The following RPS6KC1 variants were observed in gnomAD, a reference collection of about 807,000 sequenced individuals.
The protein encoded by RPS6KC1 is inactive ribosomal protein S6 kinase delta-1.
RPS6KC1 carries 54 observed loss-of-function variants against 103.8 expected under a neutral mutation model. The ratio of observed to expected loss-of-function variants is 0.52; its 90% CI spans 0.42 to 0.65. The LOEUF is 0.65. Ranked by LOEUF, RPS6KC1 falls within the 30% of genes least tolerant of loss-of-function variation. The pLI is 0.00. For missense variants in RPS6KC1, 1,151 were observed against 1,253.8 expected, an observed-to-expected ratio of 0.92 and a Z score of 1.24; for synonymous variants, 439 against 438.7, an observed-to-expected ratio of 1.00 and a Z score of -0.01.
At chr1:213,051,699 GCT>G (rs1260397751) in intron 1 of RPS6KC1, among the ~76,000 whole-genome samples, 190 bp downstream of exon 1, 1 of 152,090 alleles carries the variant, frequency 6.6e-6, no homozygotes, top group African/African-American at 2.4e-5. Context: ...TATGCCCAGG[GCT>G]TCACTGTAGT....
the RPS6KC1 span, among the ~76,000 whole-genome samples, chr1:213,545,851 C>A: frequency 6.6e-6 from 1 of 152,200 alleles, no homozygotes; most frequent in African/African-American, 2.4e-5. Flanking sequence ...CATGCAGTCT[C>A]ATTCCTCTTG....
chr1:213,107,456 G>A (rs1259849182), intron 4 of RPS6KC1, among the ~76,000 whole-genome samples: 1 of 152,126 alleles, frequency 6.6e-6, no homozygotes, highest in Admixed American at 6.5e-5. Flanking sequence ...ATGCTTTTGA[G>A]CTTCATTCAT....
At chr1:213,175,667 C>G (rs558098952) in intron 7 of RPS6KC1, among the ~76,000 whole-genome samples, 1 of 152,168 alleles carries the variant, frequency 6.6e-6, no homozygotes, top group Admixed American at 6.5e-5. Context: ...TTTAAATCTT[C>G]CTTCCTATGT....
chr1:213,425,357 G>T, the RPS6KC1 span, among the ~76,000 whole-genome samples: 3 of 152,064 alleles, frequency 2.0e-5, no homozygotes, highest in Non-Finnish European at 4.4e-5. Context: ...TTCAGAAGCT[G>T]ATTTGCATTT....
At chr1:213,740,465 T>C in the RPS6KC1 span, among the ~76,000 whole-genome samples, 1 of 152,096 alleles carries the variant, frequency 6.6e-6, no homozygotes, top group African/African-American at 2.4e-5. Context: ...TTGCTGGCAT[T>C]TGCAACTAGA....
chr1:213,722,787 C>A, the RPS6KC1 span, among the ~76,000 whole-genome samples: 5 of 152,182 alleles, frequency 3.3e-5, no homozygotes, highest in Non-Finnish European at 5.9e-5. Flanking sequence ...CGACTGTGGA[C>A]TCTGCCATTT....
chr1:213,242,775 G>A (rs2094385686), intron 12 of RPS6KC1, 117 bp downstream of exon 12: 2 of 817,816 alleles, frequency 2.4e-6, no homozygotes, highest in African/African-American at 1.7e-5. Flanking sequence ...GTTGGATTTG[G>A]TTATCTGTTT....
At chr1:213,825,661 C>CCAAG in the RPS6KC1 span, among the ~76,000 whole-genome samples, 9,143 of 152,234 alleles carry the variant, frequency 0.06, 346 homozygotes, top group East Asian at 0.17. Context: ...GAACCCCTTG[C>CCAAG]CAAGCACCAG....
the RPS6KC1 span, among the ~76,000 whole-genome samples, chr1:213,493,982 A>AAAATCAG: frequency 6.6e-6 from 1 of 152,226 alleles, no homozygotes; most frequent in African/African-American, 2.4e-5. Context: ...TAGAAATGCA[A>AAAATCAG]AAATCAGAAA....
At chr1:213,422,987 C>A in the RPS6KC1 span, among the ~76,000 whole-genome samples, 1 of 152,326 alleles carries the variant, frequency 6.6e-6, no homozygotes, top group East Asian at 1.9e-4. Flanking sequence ...TTTCCACCCA[C>A]AGAAAAACCT....
At chr1:213,118,647 GT>G (rs1011489270) in intron 5 of RPS6KC1, among the ~76,000 whole-genome samples, 40 of 149,210 alleles carry the variant, frequency 2.7e-4, no homozygotes, top group Non-Finnish European at 4.2e-4. Context: ...GTGCACTTAA[GT>G]TTTTTTTTTC....
chr1:213,620,732 A>G, the RPS6KC1 span, among the ~76,000 whole-genome samples: 1 of 152,256 alleles, frequency 6.6e-6, no homozygotes, highest in Non-Finnish European at 1.5e-5. Context: ...AAATGGAGAC[A>G]CAGTATGGTT....
chr1:213,071,154 AG>A, intron 2 of RPS6KC1, 113 bp downstream of exon 2: 1 of 594,104 alleles, frequency 1.7e-6, no homozygotes, highest in Non-Finnish European at 2.9e-6. Flanking sequence ...TTTGAGACGG[AG>A]TTTCGCTCCT....
chr1:213,568,650 G>T, the RPS6KC1 span, among the ~76,000 whole-genome samples: 2 of 152,258 alleles, frequency 1.3e-5, no homozygotes, highest in Admixed American at 1.3e-4. Context: ...GTAACTCTCT[G>T]CAGTAAACAA....
At chr1:213,619,516 A>G in the RPS6KC1 span, among the ~76,000 whole-genome samples, 1 of 152,262 alleles carries the variant, frequency 6.6e-6, no homozygotes, top group Non-Finnish European at 1.5e-5. Context: ...TGAGCACTAA[A>G]GAAAATAAAT....
chr1:213,695,652 T>C, the RPS6KC1 span, among the ~76,000 whole-genome samples: 1 of 152,254 alleles, frequency 6.6e-6, no homozygotes, highest in Non-Finnish European at 1.5e-5. Context: ...ACTTATAGGA[T>C]CACAGGTCCA....
intron 12 of RPS6KC1, among the ~76,000 whole-genome samples, chr1:213,255,049 C>A (rs1225395372): frequency 2.0e-5 from 3 of 151,598 alleles, no homozygotes; most frequent in African/African-American, 7.3e-5. Flanking sequence ...GCCTGTAATT[C>A]CAGCATTTTG....
At chr1:213,393,586 C>T in the RPS6KC1 span, among the ~76,000 whole-genome samples, 5 of 152,184 alleles carry the variant, frequency 3.3e-5, no homozygotes, top group African/African-American at 4.8e-5. Flanking sequence ...CTTGGATAAT[C>T]GCCATTTTCC....
rs577704352 is a variant in RPS6KC1, at chr1:213,245,776, AC to A, written c.2911+3120del. Among the ~76,000 whole-genome samples, 10 of 152,256 alleles carry A rather than the reference AC, an allele frequency of 6.6e-5. No homozygotes were observed. The South Asian group carries it at 1.7e-3, about 25-fold the overall frequency. On this transcript the variant is annotated intron_variant, in intron 12 of 14. Transcript: ENST00000366960. Reference sequence around the variant, plus strand: ...AAAAAGAAAAAACACACACACAGAAACCTGTGAATCAACATGTTTTGGTCTA... The same window carrying A: ...AAAAAGAAAAAACACACACACAGAAACTGTGAATCAACATGTTTTGGTCTA...
Sources: allele counts gnomAD v4.1 joint callset (sites outside exome capture counted in the v4.1 genomes callset), GRCh38; gene constraint gnomAD v4.1.1; transcripts MANE v1.5; gene names NCBI Gene and HGNC (gene_info 2026-07-23, HGNC 2026-07-21).